HAUS6: variants seen among roughly 807,000 people sequenced by gnomAD.
The protein encoded by HAUS6 is HAUS augmin-like complex subunit 6.
In HAUS6, 80 loss-of-function variants were observed where a neutral mutation model predicts 106.8. That is an observed-to-expected ratio of 0.75 (90% confidence interval 0.63 to 0.90). The LOEUF (loss-of-function observed/expected upper bound fraction) is 0.90. HAUS6 is among the 40% of genes least tolerant of loss of function. The pLI, the probability that HAUS6 is intolerant of heterozygous loss-of-function variation, is 0.00. For missense variants in HAUS6, 1,155 were observed against 1,118.1 expected (o/e 1.03, Z -0.47); for synonymous variants, 356 against 379.1 (o/e 0.94, Z 0.71).
At chr9:19,060,904 G>A (rs1050458464) in intron 14 of HAUS6, among the ~76,000 whole-genome samples, 1 of 152,240 alleles carries the variant, frequency 6.6e-6, no homozygotes, top group African/African-American at 2.4e-5. Context: ...GCTCACGCCT[G>A]TAATCCCAGC....
intron 9 of HAUS6, among the ~76,000 whole-genome samples, chr9:19,079,243 T>A (rs985420976): frequency 1.3e-5 from 2 of 150,936 alleles, no homozygotes; most frequent in South Asian, 2.1e-4. Flanking sequence ...TTTTTTTTTT[T>A]ATTGAGATGG....
rs557443791 is a variant in HAUS6 at position 19,096,769 on chromosome 9, C to G, written c.129G>C (p.Val43=). ...GKIVSHTHLG[V]NMFDKLNRDA... ...CACGGTTCAGCTTGTCAAACATGTT[C>G]CTAGTGGTTAAAAATGAAATAGAAA... The change falls in exon 2 of 17, where the codon GTG becomes GTC. Residue 43 remains valine, a splice_region_variant and synonymous_variant. Transcript: ENST00000380502. 1 of 1,435,864 alleles carries G rather than the reference C, an allele frequency of 7.0e-7. No homozygotes were observed. Among genetic ancestry groups the G allele is most frequent in the African/African-American group, 1.5e-5 (1 of 68,444 alleles). The allele number at this position is 1,435,864 out of a possible 1,614,324, so 88.9% of individuals were successfully genotyped here. A position where few individuals can be genotyped will look rare whatever the true frequency, so the allele number is the denominator to read the frequency against.
chr9:19,062,932 T>C (rs1010117711), intron 14 of HAUS6, 76 bp downstream of exon 14: 9 of 1,109,560 alleles, frequency 8.1e-6, no homozygotes, highest in African/African-American at 7.9e-5. Flanking sequence ...TCCCCAAGTG[T>C]TGGGATTACA....
intron 1 of HAUS6, among the ~76,000 whole-genome samples, chr9:19,099,745 C>T (rs184860989): frequency 1.3e-5 from 2 of 152,138 alleles, no homozygotes; most frequent in South Asian, 2.1e-4. Context: ...ACAAATGCAT[C>T]GAGCAATTTT....
At chr9:19,084,137 A>G (rs1227732547) in intron 7 of HAUS6, among the ~76,000 whole-genome samples, 1 of 152,160 alleles carries the variant, frequency 6.6e-6, no homozygotes, top group Non-Finnish European at 1.5e-5. Flanking sequence ...ATCCAGAGTA[A>G]AAAGGGTACA....
At position 19,076,711 on chromosome 9, in the gene HAUS6, A is replaced by G. The variant is rs1837014974; in HGVS notation, c.1192-7T>C. On this transcript the variant is annotated splice_region_variant and splice_polypyrimidine_tract_variant and intron_variant, in intron 10 of 16. Transcript: ENST00000380502. ...GTGGTAAAAGATCTACAGACTTAAA[A>G]CAGAAAATTCACAATTTTGAAGTAA... 7.3e-7 allele frequency: 1 copy of G among 1,361,738 alleles called. No homozygotes were observed. The highest frequency in any genetic ancestry group is 1.4e-5 in the African/African-American group (1 of 70,648). The allele number at this position is 1,361,738 out of a possible 1,614,324, so 84.4% of individuals were successfully genotyped here.
chr9:19,085,849 G>C (rs1221633853), intron 7 of HAUS6, among the ~76,000 whole-genome samples: 1 of 151,924 alleles, frequency 6.6e-6, no homozygotes, highest in Non-Finnish European at 1.5e-5. Flanking sequence ...TTTTGTACTG[G>C]GGTGGAGAAT....
In HAUS6 at chr9:19,063,083, A is replaced by G; in HGVS notation, c.1554T>C (p.Ser518=). ...CTGGCAAAGACCCTCCAAATGCACT[A>G]CTCTCTGTATTCTTTGCAACATCTG... is the stretch of plus-strand genomic sequence containing the variant. The part of the protein sequence containing the change: ...PLSDVAKNTE[S]SAFGGSLPAK... The change falls in exon 14 of 17, where the codon AGT becomes AGC. Residue 518 remains serine (S), a synonymous_variant. Coordinates refer to ENST00000380502, the MANE Select transcript of HAUS6 (RefSeq NM_017645.5). The G allele has an allele frequency of 1.9e-6, 3 of 1,609,764 alleles. No homozygotes were observed. The highest frequency in any genetic ancestry group is 2.5e-6 in the Non-Finnish European group (3 of 1,177,504).
At chr9:19,067,925 C>A (rs1332704598) in intron 12 of HAUS6, among the ~76,000 whole-genome samples, 1 of 151,894 alleles carries the variant, frequency 6.6e-6, no homozygotes, top group African/African-American at 2.4e-5. Flanking sequence ...AACTCCTGAC[C>A]TCAGGTGAGC....
At chr9:19,098,363 A>G (rs955141644) in intron 1 of HAUS6, among the ~76,000 whole-genome samples, 32 of 150,436 alleles carry the variant, frequency 2.1e-4, no homozygotes, top group Admixed American at 1.5e-3. Flanking sequence ...GCTTGAACCC[A>G]GGAGGCAGAG....
chr9:19,080,503 C>A lies in HAUS6; in HGVS notation c.1040G>T (p.Arg347Ile). Residue 347 changes from arginine to isoleucine, a missense_variant, in exon 9 of 17, where the codon AGA (arginine) becomes ATA (isoleucine). Arg to Ile is a moderately conservative substitution (Grantham distance 97). This residue lies in a region of HAUS6 where 761 missense variants were observed against 690.0 expected (regional missense o/e 1.10). Transcript: ENST00000380502. ...LEKETKFQKE[R>I]LSDLKHMRYR... ...CCTCATATGTTTCAGATCTGATAAT[C>A]TTTCCTTCTGAAATTTGGTCTCTTT... 1 of 1,607,714 alleles carries A rather than the reference C, an allele frequency of 6.2e-7. No individual in the cohort carries two copies. The highest frequency in any genetic ancestry group is 8.5e-7 in the Non-Finnish European group (1 of 1,176,036).
chr9:19,089,767 C>T (rs10465047), intron 4 of HAUS6: 44,396 of 534,772 alleles, frequency 0.083, 1,987 homozygotes, highest in Middle Eastern at 0.089. Context: ...ATTAACATCA[C>T]GTAACTAACA....
intron 11 of HAUS6, among the ~76,000 whole-genome samples, chr9:19,075,190 T>A (rs1307725221): frequency 6.6e-6 from 1 of 152,040 alleles, no homozygotes; most frequent in African/African-American, 2.4e-5. Flanking sequence ...AACAGGGAAA[T>A]CTGGAGACAG....
intron 7 of HAUS6, 110 bp from the exon 8 acceptor site, chr9:19,083,153 A>G (rs1419942831): frequency 8.0e-6 from 4 of 502,654 alleles, no homozygotes; most frequent in Non-Finnish European, 1.4e-5. Flanking sequence ...GATTTCTAGT[A>G]AGAAAATTAA....
intron 11 of HAUS6, among the ~76,000 whole-genome samples, chr9:19,071,977 G>A (rs1267878255): frequency 6.6e-6 from 1 of 152,134 alleles, no homozygotes; most frequent in East Asian, 1.9e-4. Context: ...GCCAAGGTGG[G>A]CGGATCACCT....
At chr9:19,075,104 A>C (rs575613114) in intron 11 of HAUS6, among the ~76,000 whole-genome samples, 1 of 152,380 alleles carries the variant, frequency 6.6e-6, no homozygotes, top group African/African-American at 2.4e-5. Flanking sequence ...ATGAACTTTG[A>C]AAACGCTATG....
At chr9:19,086,324 G>C (rs1468958319) in intron 7 of HAUS6, among the ~76,000 whole-genome samples, 1 of 135,036 alleles carries the variant, frequency 7.4e-6, no homozygotes, top group Non-Finnish European at 1.6e-5. Flanking sequence ...GGAGGGGAGG[G>C]GGAAGGGGAA....
At chr9:19,089,244 C>T (rs1817694066) in intron 5 of HAUS6, among the ~76,000 whole-genome samples, 168 bp downstream of exon 5, 1 of 151,340 alleles carries the variant, frequency 6.6e-6, no homozygotes, top group Non-Finnish European at 1.5e-5. Context: ...GAACCAGACC[C>T]TGTCTCAGAT....
Position 19,080,657 on chromosome 9 carries a change from C to T in HAUS6, c.886G>A (p.Val296Ile). 1 of 1,606,516 alleles carries T rather than the reference C, an allele frequency of 6.2e-7. No individual in the cohort carries two copies. The highest frequency in any genetic ancestry group is 8.5e-7 in the Non-Finnish European group (1 of 1,174,348). The change falls in exon 9 of 17, where the codon GTT becomes ATT. Residue 296 changes from valine to isoleucine, a missense_variant. Coordinates refer to ENST00000380502, the MANE Select transcript of HAUS6 (RefSeq NM_017645.5). ...AGGTTCAGTTTTCCAGCCTCATAAACATTTCCTATGTGCAACTAAGGAATC... is the reference window on the plus strand; with the variant it reads ...AGGTTCAGTTTTCCAGCCTCATAAATATTTCCTATGTGCAACTAAGGAATC... The part of the protein sequence containing the change: ...KQMFQLHIGN[V>I]YEAGKLNLLT...
Sources: gnomAD v4.1 joint callset for allele counts (sites outside exome capture counted in the v4.1 genomes callset) on GRCh38, gnomAD v4.1.1 for gene constraint, gnomAD v4.1.1 regional missense constraint, MANE v1.5 for transcripts, NCBI Gene and HGNC (gene_info 2026-07-23, HGNC 2026-07-21) for gene names.